ATG14: variants seen among roughly 807,000 people sequenced by gnomAD.
The protein encoded by ATG14 is beclin 1-associated autophagy-related key regulator.
A neutral mutation model predicts 60.4 loss-of-function variants in ATG14; 35 were observed. The ratio of observed to expected loss-of-function variants is 0.58; its 90% confidence interval spans 0.44 to 0.77. The LOEUF is 0.77. Ranked by LOEUF, ATG14 falls within the 30% of genes least tolerant of loss-of-function variation. The probability of loss-of-function intolerance (pLI) is 0.00; values close to 1 mark genes in which losing one functional copy is unlikely to be tolerated. For synonymous variants in ATG14, 234 were observed against 228.8 expected (o/e 1.02, Z -0.21); for missense variants, 647 against 626.3 (o/e 1.03, Z -0.35).
At chr14:55,371,814 CA>C (rs999427813) in intron 9 of ATG14, among the ~76,000 whole-genome samples, 2 of 150,336 alleles carry the variant, frequency 1.3e-5, no homozygotes, top group Non-Finnish European at 3.0e-5. Flanking sequence ...AAAAAACAAA[CA>C]AAAAAACAAA....
chr14:55,372,468 G>GCTAA (rs1566576837), intron 9 of ATG14, among the ~76,000 whole-genome samples: 2 of 152,104 alleles, frequency 1.3e-5, no homozygotes, highest in East Asian at 3.9e-4. Flanking sequence ...TGACTGCCAG[G>GCTAA]CTAAGTCTCT....
At chr14:55,382,244 A>G in intron 5 of ATG14, 53 bp from the exon 6 acceptor site, 1 of 1,536,368 alleles carries the variant, frequency 6.5e-7, no homozygotes, top group Non-Finnish European at 9.0e-7. Flanking sequence ...TTTTAAGGGC[A>G]TGCAATATAA....
At chr14:55,371,589 G>A (rs1253404476) in intron 9 of ATG14, among the ~76,000 whole-genome samples, 1 of 152,010 alleles carries the variant, frequency 6.6e-6, no homozygotes, top group Non-Finnish European at 1.5e-5. Flanking sequence ...GGCAGATCAC[G>A]AGGTCAGGAG....
At chr14:55,394,112 T>A (rs557538785) in intron 3 of ATG14, among the ~76,000 whole-genome samples, 16 of 151,882 alleles carry the variant, frequency 1.1e-4, no homozygotes, top group African/African-American at 3.6e-4. Context: ...GTTCAAGTGA[T>A]TCTCCTGCCA....
At chr14:55,393,398 A>G (rs1050012117) in intron 3 of ATG14, among the ~76,000 whole-genome samples, 1 of 152,000 alleles carries the variant, frequency 6.6e-6, no homozygotes. Context: ...AAAAAGAGGA[A>G]AAAAAAAGAA....
In ATG14 at chr14:55,402,941, AT is replaced by A. The variant is rs1885429959; in HGVS notation, c.222-5508del. 2.7e-4 allele frequency among the ~76,000 whole-genome samples: 13 copies of A among 48,718 alleles called. 2 individuals carry two copies. Among genetic ancestry groups the A allele is most frequent in the African/African-American group, 8.5e-4 (11 of 12,868 alleles). The allele number at this position is 48,718 out of a possible 152,430, so 32.0% of individuals were successfully genotyped here. ...AAAAAAAAAAAATATATATATATAT[AT>A]ATATATATATATATATATATATATA... On this transcript the variant is annotated intron_variant, in intron 1 of 9. Coordinates refer to ENST00000247178, the MANE Select transcript of ATG14 (RefSeq NM_014924.5).
At chr14:55,401,280 G>C (rs1280155771) in intron 1 of ATG14, among the ~76,000 whole-genome samples, 1 of 148,428 alleles carries the variant, frequency 6.7e-6, no homozygotes, top group Admixed American at 6.7e-5. Context: ...TTTTTCCTTT[G>C]AGGATTATTT....
chr14:55,408,823 A>G (rs960322783), intron 1 of ATG14, among the ~76,000 whole-genome samples: 1 of 152,234 alleles, frequency 6.6e-6, no homozygotes, highest in East Asian at 1.9e-4. Flanking sequence ...CTTGGAATCA[A>G]TTCAAGGGAG....
intron 2 of ATG14, among the ~76,000 whole-genome samples, chr14:55,396,364 G>A (rs185981870): frequency 6.6e-6 from 1 of 152,312 alleles, no homozygotes; most frequent in East Asian, 1.9e-4. Context: ...TGGTTCTATG[G>A]AATAAAATGT....
rs1175233988 is a variant in ATG14 at position 55,366,521 on chromosome 14, C to T, written c.*3098G>A. The T allele has an allele frequency of 6.6e-6, 1 of 152,616 alleles. No individual in the cohort carries two copies. Among genetic ancestry groups the T allele is most frequent in the South Asian group, 2.1e-4 (1 of 4,834 alleles). 9.5% of individuals were successfully genotyped at this position (152,616 alleles called of 1,614,324 possible). On this transcript the variant is annotated 3_prime_UTR_variant, in exon 10 of 10. Coordinates refer to ENST00000247178, the MANE Select transcript of ATG14 (RefSeq NM_014924.5). The stretch of plus-strand genomic sequence containing the variant: ...GATACTGTGAGGAGATTCTCGGACA[C>T]TAGTCCTCTAACAGCATGCCACTGA...
chr14:55,391,214 G>A (rs1169127670), intron 3 of ATG14: 6 of 363,538 alleles, frequency 1.7e-5, no homozygotes, highest in African/African-American at 4.4e-5. Context: ...GGTGGCTCAC[G>A]CCTGTAATCG....
intron 9 of ATG14, among the ~76,000 whole-genome samples, chr14:55,376,291 TTATTAG>T (rs1212831811): frequency 8.5e-5 from 13 of 152,264 alleles, no homozygotes; most frequent in Non-Finnish European, 1.6e-4. Context: ...ATATTAGCTC[TTATTAG>T]TAAGGATAAA....
rs572794299 is a variant in ATG14 at position 55,391,114 on chromosome 14, T to C, written c.328-122A>G. On this transcript the variant is annotated intron_variant, in intron 3 of 9. Transcript: ENST00000247178. ...AAACATAATGAAGAAAAAGACCTTA[T>C]GTTATAGCTTTTGTAACTATGGAAC... The C allele has an allele frequency of 3.0e-5, 19 of 636,020 alleles. No individual in the cohort carries two copies. The South Asian group carries it at 3.1e-4, about 10-fold the overall frequency. The allele number at this position is 636,020 out of a possible 1,614,324, so 39.4% of individuals were successfully genotyped here. A position where few individuals can be genotyped will look rare whatever the true frequency, so the allele number is the denominator to read the frequency against.
At chr14:55,395,844 A>T in intron 3 of ATG14, 96 bp downstream of exon 3, 1 of 926,346 alleles carries the variant, frequency 1.1e-6, no homozygotes, top group Non-Finnish European at 1.5e-6. Flanking sequence ...ACTGCTAAAT[A>T]CGATTTTTAA....
At chr14:55,399,891 T>C (rs77915346) in intron 1 of ATG14, among the ~76,000 whole-genome samples, 8 of 152,230 alleles carry the variant, frequency 5.3e-5, no homozygotes, top group African/African-American at 1.4e-4. Context: ...AGTGAGCTGG[T>C]TGATTTTCTT....
intron 9 of ATG14, among the ~76,000 whole-genome samples, chr14:55,375,552 C>G (rs1884904032): frequency 6.8e-6 from 1 of 147,972 alleles, no homozygotes; most frequent in Non-Finnish European, 1.5e-5. Context: ...CTATGTTGCC[C>G]AGGCTGGTCT....
intron 1 of ATG14, 141 bp downstream of exon 1, chr14:55,411,461 A>T: frequency 1.2e-6 from 1 of 838,132 alleles, no homozygotes; most frequent in Non-Finnish European, 1.8e-6. Flanking sequence ...TCCGGTGCAG[A>T]GCAGCTAGCT....
intron 6 of ATG14, 104 bp from the exon 7 acceptor site, chr14:55,380,794 C>A (rs532649517): frequency 6.9e-6 from 4 of 579,522 alleles, no homozygotes; most frequent in Middle Eastern, 2.8e-4. Context: ...AGCACTGTTA[C>A]GTTTTAGTGC....
intron 3 of ATG14, chr14:55,395,015 A>C: frequency 4.3e-6 from 2 of 469,452 alleles, no homozygotes; most frequent in Non-Finnish European, 8.6e-6. Context: ...TCTGCAGGTA[A>C]ATCTTCAGTT....
Sources: gnomAD v4.1 joint callset for allele counts (sites outside exome capture counted in the v4.1 genomes callset) on GRCh38, gnomAD v4.1.1 for gene constraint, MANE v1.5 for transcripts, NCBI Gene and HGNC (gene_info 2026-07-23, HGNC 2026-07-21) for gene names.